The following AGXT2 variants were observed in gnomAD, a reference collection of about 807,000 sequenced individuals.
The protein encoded by AGXT2 is alanine--glyoxylate aminotransferase 2.
Under a neutral mutation model 62.5 loss-of-function variants are expected in AGXT2, and 61 were observed. The observed-to-expected ratio is 0.98, with a 90% CI of 0.79 to 1.21. The LOEUF is 1.21. Among genes scored for constraint, AGXT2 ranks in the 50% most tolerant of loss-of-function variants. The pLI, the probability that AGXT2 is intolerant of heterozygous loss-of-function variation, is 0.00. For missense variants in AGXT2, 666 were observed against 641.5 expected (o/e 1.04, Z -0.41); for synonymous variants, 243 against 218.7 (o/e 1.11, Z -0.98).
Position 35,027,755 on chromosome 5 carries a change from G to C in AGXT2, c.770-1245C>G, listed in dbSNP as rs377719721. On this transcript the variant is annotated intron_variant, in intron 7 of 13. Transcript: ENST00000231420. The stretch of plus-strand genomic sequence containing the variant: ...CCTCCAGAGCCTATCTGAGTTTGCA[G>C]CTTCCAAGTGCGTAGGGCATTAGAG... Among the ~76,000 whole-genome samples the C allele has an allele frequency of 1.1e-4, 17 of 151,146 alleles. No individual in the cohort carries two copies. The East Asian group carries it at 1.6e-3, about 14-fold the overall frequency.
At chr5:35,000,676 C>T (rs778327933) in intron 13 of AGXT2, among the ~76,000 whole-genome samples, 68 of 152,320 alleles carry the variant, frequency 4.5e-4, no homozygotes, top group South Asian at 1.7e-3. Context: ...CCACCGTGCC[C>T]GGCCTCTCCT....
chr5:35,031,177 C>T (rs1767547683), intron 7 of AGXT2, among the ~76,000 whole-genome samples: 1 of 152,154 alleles, frequency 6.6e-6, no homozygotes, highest in Non-Finnish European at 1.5e-5. Context: ...GAATTGGGAG[C>T]ACTGGCTTTG....
rs1285168277 is a variant in AGXT2 at position 35,009,288 on chromosome 5, C to G, written c.1338+712G>C. Among the ~76,000 whole-genome samples, 4 of 149,914 alleles carry G rather than the reference C, an allele frequency of 2.7e-5. No individual in the cohort carries two copies. In the East Asian group the frequency reaches 7.8e-4, roughly 29 times the overall value. The stretch of plus-strand genomic sequence containing the variant: ...AGGTTGAAATCCATTCACAAGTAAG[C>G]ATGCAAACAAACAAAACTCAATATA... On this transcript the variant is annotated intron_variant, in intron 12 of 13. Transcript: ENST00000231420.
chr5:35,007,190 G>A (rs1014496969), intron 12 of AGXT2, among the ~76,000 whole-genome samples: 10 of 152,190 alleles, frequency 6.6e-5, no homozygotes, highest in African/African-American at 2.2e-4. Flanking sequence ...TGAGGGCACA[G>A]CAAGAAGGCA....
intron 7 of AGXT2, chr5:35,027,129 G>T: frequency 2.0e-6 from 1 of 493,430 alleles, no homozygotes; most frequent in Non-Finnish European, 2.6e-6. Flanking sequence ...TTGTGGGCAG[G>T]GACTATACTT....
At chr5:35,042,033 GA>G (rs1360680498) in intron 1 of AGXT2, among the ~76,000 whole-genome samples, 7 of 151,838 alleles carry the variant, frequency 4.6e-5, no homozygotes, top group Admixed American at 6.6e-5. Flanking sequence ...TTCTGAGATG[GA>G]AAAAAAATTC....
intron 13 of AGXT2, among the ~76,000 whole-genome samples, chr5:35,002,648 A>G (rs1054849325): frequency 1.3e-5 from 2 of 152,174 alleles, no homozygotes; most frequent in African/African-American, 4.8e-5. Context: ...CCGCTTAGAA[A>G]GAGCGCCCTC....
At chr5:35,045,926 C>T (rs1768184727) in intron 1 of AGXT2, among the ~76,000 whole-genome samples, 1 of 152,012 alleles carries the variant, frequency 6.6e-6, no homozygotes, top group African/African-American at 2.4e-5. Flanking sequence ...CGCCACCATG[C>T]CCGACTAATT....
chr5:35,017,322 A>G (rs1580583239), intron 9 of AGXT2, among the ~76,000 whole-genome samples: 1 of 152,246 alleles, frequency 6.6e-6, no homozygotes, highest in South Asian at 2.1e-4. Context: ...ACATTCACTT[A>G]TATTTAAAAT....
intron 7 of AGXT2, among the ~76,000 whole-genome samples, chr5:35,030,342 T>C (rs1009638665): frequency 2.0e-5 from 3 of 152,176 alleles, no homozygotes; most frequent in Non-Finnish European, 2.9e-5. Flanking sequence ...ACCCGGTCTC[T>C]ACTAAAAATA....
At chr5:35,039,870 A>G (rs1044102110) in intron 2 of AGXT2, among the ~76,000 whole-genome samples, 1 of 152,216 alleles carries the variant, frequency 6.6e-6, no homozygotes, top group Non-Finnish European at 1.5e-5. Context: ...TTGTTGTGGT[A>G]GTGTTTTAAA....
rs1768316212 is a variant in AGXT2 at position 35,047,871 on chromosome 5, A to G, written c.22T>C (p.Leu8=). 6.2e-7 allele frequency: 1 copy of G among 1,613,992 alleles called. No individual in the cohort carries two copies. The highest frequency in any genetic ancestry group is 1.1e-5 in the South Asian group (1 of 91,092). Reference sequence around the variant, plus strand: ...GTGACCAGGCACAAGGGTCTCAGCAAATGTCTCCAGATTAGAGTCATTTCT... The same window carrying G: ...GTGACCAGGCACAAGGGTCTCAGCAGATGTCTCCAGATTAGAGTCATTTCT... MTLIWRH[L]LRPLCLVTSA... is the part of the protein sequence containing the mutation. Residue 8 remains leucine (L), a synonymous_variant, in exon 1 of 14, where the codon TTG becomes CTG. Transcript: ENST00000231420.
At chr5:35,017,402 T>C (rs1766883060) in intron 9 of AGXT2, among the ~76,000 whole-genome samples, 1 of 152,196 alleles carries the variant, frequency 6.6e-6, no homozygotes, top group African/African-American at 2.4e-5. Context: ...AATTCCCACG[T>C]GTTGTGGGAG....
At chr5:35,019,281 G>T (rs1398888538) in intron 9 of AGXT2, among the ~76,000 whole-genome samples, 2 of 147,290 alleles carry the variant, frequency 1.4e-5, no homozygotes, top group Admixed American at 6.8e-5. Flanking sequence ...ATTTTTTTCA[G>T]CACCACACCA....
At chr5:35,041,326 T>TTGTG (rs59232333) in intron 1 of AGXT2, among the ~76,000 whole-genome samples, 177 of 149,134 alleles carry the variant, frequency 1.2e-3, no homozygotes, top group African/African-American at 3.3e-3. Context: ...GACCTTACAT[T>TTGTG]TGTGTGTGTG....
At chr5:35,012,591 A>G in intron 11 of AGXT2, 1 of 316,120 alleles carries the variant, frequency 3.2e-6, no homozygotes, top group Non-Finnish European at 6.1e-6. Flanking sequence ...GTACAACAAA[A>G]GGAAGGAAGA....
At chr5:35,047,655 G>A (rs1210480406) in intron 1 of AGXT2, 150 bp downstream of exon 1, 11 of 982,610 alleles carry the variant, frequency 1.1e-5, no homozygotes, top group Non-Finnish European at 1.6e-5. Flanking sequence ...CATTGACTCA[G>A]GGTGAGAACC....
chr5:35,015,849 CAAAAAAA>C (rs557021858), intron 9 of AGXT2, among the ~76,000 whole-genome samples: 2 of 69,516 alleles, frequency 2.9e-5, no homozygotes, highest in African/African-American at 6.2e-5. Flanking sequence ...GACTCCATCT[CAAAAAAA>C]AAAAAAAAAA....
intron 12 of AGXT2, among the ~76,000 whole-genome samples, chr5:35,006,481 C>T (rs988078043): frequency 2.6e-5 from 4 of 152,046 alleles, no homozygotes; most frequent in African/African-American, 7.2e-5. Context: ...GCAGATGGGT[C>T]GTGTGGGGAG....
Sources: allele counts gnomAD v4.1 joint callset (sites outside exome capture counted in the v4.1 genomes callset), GRCh38; gene constraint gnomAD v4.1.1; transcripts MANE v1.5; gene names NCBI Gene and HGNC (gene_info 2026-07-23, HGNC 2026-07-21).